Variants in PACRG observed in about 807,000 individuals in gnomAD.
The protein encoded by PACRG is parkin coregulated.
In PACRG, 29 loss-of-function variants were observed where a neutral mutation model predicts 29.7. The ratio of observed to expected loss-of-function variants is 0.98; its 90% confidence interval spans 0.73 to 1.33. The LOEUF is 1.33. PACRG is among the 40% of genes most tolerant of loss of function. The pLI is 0.00. For missense variants in PACRG, 279 were observed against 316.2 expected, an observed-to-expected ratio of 0.88 and a Z score of 0.89; for synonymous variants, 116 against 118.7, an observed-to-expected ratio of 0.98 and a Z score of 0.15.
intron 1 of PACRG, among the ~76,000 whole-genome samples, chr6:162,787,559 T>G (rs1386324963): frequency 2.6e-5 from 1 of 38,166 alleles, no homozygotes; most frequent in African/African-American, 8.4e-5. Flanking sequence ...ATATGGTTAT[T>G]GTGTGTGTGT....
chr6:162,990,105 A>AT (rs1803308254), intron 2 of PACRG, among the ~76,000 whole-genome samples: 1 of 151,084 alleles, frequency 6.6e-6, no homozygotes. Flanking sequence ...TCCATGGTGT[A>AT]TATGTGCCAC....
intron 4 of PACRG, among the ~76,000 whole-genome samples, chr6:163,305,187 T>G (rs905958882): frequency 1.3e-5 from 2 of 152,232 alleles, no homozygotes; most frequent in Non-Finnish European, 1.5e-5. Context: ...GCAAGAACTG[T>G]TGGAGAACTG....
At chr6:163,037,519 G>T (rs991160113) in intron 2 of PACRG, among the ~76,000 whole-genome samples, 3 of 152,186 alleles carry the variant, frequency 2.0e-5, no homozygotes, top group Non-Finnish European at 4.4e-5. Context: ...GACTCCCAAA[G>T]CTCAGCTCAC....
chr6:163,177,859 G>A (rs1334840249), intron 4 of PACRG, among the ~76,000 whole-genome samples: 1 of 151,550 alleles, frequency 6.6e-6, no homozygotes, highest in Admixed American at 6.6e-5. Context: ...CAGCACACAC[G>A]CTTCCCTCCA....
chr6:163,040,349 A>C (rs996312518), intron 2 of PACRG, among the ~76,000 whole-genome samples: 1 of 152,268 alleles, frequency 6.6e-6, no homozygotes, highest in Non-Finnish European at 1.5e-5. Context: ...GCAAGGGCAG[A>C]GCCCTCATGG....
intron 2 of PACRG, among the ~76,000 whole-genome samples, chr6:162,966,947 A>G (rs1040392539): frequency 1.3e-5 from 2 of 152,192 alleles, no homozygotes; most frequent in African/African-American, 4.8e-5. Flanking sequence ...TCAAAATTAT[A>G]TGGATATTAC....
chr6:163,099,144 C>T (rs891930024), intron 4 of PACRG, among the ~76,000 whole-genome samples: 7 of 152,166 alleles, frequency 4.6e-5, no homozygotes, highest in Non-Finnish European at 5.9e-5. Context: ...CTGGTTTAAA[C>T]GCCTCTGATA....
intron 2 of PACRG, among the ~76,000 whole-genome samples, chr6:162,861,162 C>T (rs185024119): frequency 6.6e-6 from 1 of 152,196 alleles, no homozygotes; most frequent in Non-Finnish European, 1.5e-5. Context: ...TAACTTCATA[C>T]ACATGCAAAG....
chr6:162,996,998 A>G (rs1023175739), intron 2 of PACRG, among the ~76,000 whole-genome samples: 6 of 152,160 alleles, frequency 3.9e-5, no homozygotes, highest in African/African-American at 1.2e-4. Context: ...ACTAGATTTT[A>G]TAAGATAAAC....
intron 2 of PACRG, among the ~76,000 whole-genome samples, chr6:162,834,046 G>A (rs767004118): frequency 6.6e-6 from 1 of 152,000 alleles, no homozygotes; most frequent in Non-Finnish European, 1.5e-5. Context: ...GCTAACCACC[G>A]CTTTACTTTC....
intron 2 of PACRG, chr6:163,051,731 G>A (rs1474568786): frequency 6.6e-6 from 1 of 152,154 alleles, no homozygotes; most frequent in East Asian, 1.9e-4. Context: ...TCCTAGTTTT[G>A]TGACCTAATC....
At chr6:163,048,873 C>T (rs1809689095) in intron 2 of PACRG, among the ~76,000 whole-genome samples, 1 of 152,076 alleles carries the variant, frequency 6.6e-6, no homozygotes, top group African/African-American at 2.4e-5. Context: ...GACATAGATA[C>T]TTTGGAATTT....
intron 2 of PACRG, among the ~76,000 whole-genome samples, chr6:162,884,672 A>G (rs902011112): frequency 1.8e-4 from 27 of 152,288 alleles, no homozygotes; most frequent in African/African-American, 5.3e-4. Flanking sequence ...TTTGAACACA[A>G]TGGTGTTTAT....
intron 4 of PACRG, among the ~76,000 whole-genome samples, chr6:163,307,534 C>T (rs1585417176): frequency 6.6e-6 from 1 of 152,128 alleles, no homozygotes; most frequent in Admixed American, 6.5e-5. Context: ...CACCCATGAA[C>T]CAAGACTTTG....
intron 2 of PACRG, among the ~76,000 whole-genome samples, chr6:162,852,236 C>T (rs1024544427): frequency 6.6e-6 from 1 of 152,182 alleles, no homozygotes; most frequent in Admixed American, 6.5e-5. Context: ...CAGCTTCCCC[C>T]AGAACTGGTG....
intron 4 of PACRG, among the ~76,000 whole-genome samples, chr6:163,291,405 C>A (rs533639382): frequency 6.6e-6 from 1 of 150,704 alleles, no homozygotes; most frequent in Admixed American, 6.6e-5. Flanking sequence ...AGATGACCCT[C>A]TGCCTGCCCG....
At chr6:162,764,146 A>G (rs1782597302) in intron 1 of PACRG, among the ~76,000 whole-genome samples, 1 of 151,978 alleles carries the variant, frequency 6.6e-6, no homozygotes, top group Admixed American at 6.6e-5. Flanking sequence ...GTGGTGGCAC[A>G]CACCTGCAGT....
intron 2 of PACRG, among the ~76,000 whole-genome samples, chr6:163,043,888 C>T (rs1429956046): frequency 2.6e-5 from 4 of 152,056 alleles, no homozygotes; most frequent in African/African-American, 9.7e-5. Flanking sequence ...TGGATGTGCC[C>T]AAAGATTTCA....
intron 2 of PACRG, among the ~76,000 whole-genome samples, chr6:162,903,836 A>G (rs962003261): frequency 6.6e-6 from 1 of 152,204 alleles, no homozygotes; most frequent in Non-Finnish European, 1.5e-5. Context: ...ACCAAAGACT[A>G]CATTCACCCT....
Sources: allele counts gnomAD v4.1 joint callset (sites outside exome capture counted in the v4.1 genomes callset), GRCh38; gene constraint gnomAD v4.1.1; transcripts MANE v1.5; gene names NCBI Gene and HGNC (gene_info 2026-07-23, HGNC 2026-07-21).